The following SPESP1 variants were observed in gnomAD, a reference collection of about 807,000 sequenced individuals.
SPESP1 encodes the protein equatorial segment protein.
SPESP1 carries 1 observed loss-of-function variant against 3.1 expected under a neutral mutation model. That is an observed-to-expected ratio of 0.33 (90% CI 0.12 to 1.54). The LOEUF is 1.54. Ranked by LOEUF, SPESP1 falls within the 40% of genes most tolerant of loss-of-function variation. The probability of loss-of-function intolerance (pLI) is 0.38; values close to 1 mark genes in which losing one functional copy is unlikely to be tolerated. For missense variants in SPESP1, 398 were observed against 410.1 expected (o/e 0.97, Z 0.26); for synonymous variants, 138 against 150.7 (o/e 0.92, Z 0.62).
At chr15:68,943,925 AAAG>A (rs1038132805) in intron 1 of SPESP1, among the ~76,000 whole-genome samples, 9 of 152,196 alleles carry the variant, frequency 5.9e-5, no homozygotes, top group African/African-American at 1.9e-4. Context: ...GTAACAGAAT[AAAG>A]AAGAGAGGAG....
At chr15:68,932,397 T>C (rs1895569207) in intron 1 of SPESP1, among the ~76,000 whole-genome samples, 1 of 149,192 alleles carries the variant, frequency 6.7e-6, no homozygotes, top group Non-Finnish European at 1.5e-5. Flanking sequence ...TCCCCCCCTT[T>C]TTTTTTTGCC....
intron 1 of SPESP1, among the ~76,000 whole-genome samples, chr15:68,931,435 C>T (rs963009214): frequency 1.3e-5 from 2 of 152,046 alleles, no homozygotes; most frequent in Non-Finnish European, 2.9e-5. Flanking sequence ...GTTAGAACAA[C>T]GGGGTTAAGT....
chr15:68,943,605 C>G (rs1353212105), intron 1 of SPESP1, among the ~76,000 whole-genome samples: 2 of 152,094 alleles, frequency 1.3e-5, no homozygotes, highest in Non-Finnish European at 2.9e-5. Flanking sequence ...TGCAGAACTT[C>G]CACCTCAAGC....
chr15:68,931,230 T>G (rs1359730206), intron 1 of SPESP1, among the ~76,000 whole-genome samples: 3 of 122,830 alleles, frequency 2.4e-5, no homozygotes, highest in Non-Finnish European at 5.1e-5. Flanking sequence ...ATGCTATCCC[T>G]CCCCCCTCCC....
At position 68,945,629 on chromosome 15, in the gene SPESP1, A is replaced by T. The variant is rs1179654451; in HGVS notation, c.95A>T (p.Asn32Ile). 1 of 1,585,522 alleles carries T rather than the reference A, an allele frequency of 6.3e-7. No homozygotes were observed. The highest frequency in any genetic ancestry group is 1.4e-5 in the African/African-American group (1 of 73,336). ...ACTGTGACACCTGATGAAGAGCAAAACTTGAATCATTATATACAAGTTTTA... is the reference window on the plus strand; with the variant it reads ...ACTGTGACACCTGATGAAGAGCAAATCTTGAATCATTATATACAAGTTTTA... ...SITVTPDEEQ[N>I]LNHYIQVLEN... is the part of the protein sequence containing the mutation. Residue 32 changes from asparagine to isoleucine, a missense_variant, in exon 2 of 2, where the codon AAC becomes ATC. Transcript: ENST00000310673.
chr15:68,944,992 G>A (rs1483001697), intron 1 of SPESP1, among the ~76,000 whole-genome samples: 1 of 152,108 alleles, frequency 6.6e-6, no homozygotes, highest in Non-Finnish European at 1.5e-5. Flanking sequence ...GAGCAGGGAG[G>A]TAGAGATGCA....
chr15:68,933,074 G>A (rs1595715242), intron 1 of SPESP1, among the ~76,000 whole-genome samples: 1 of 152,240 alleles, frequency 6.6e-6, no homozygotes, highest in East Asian at 1.9e-4. Flanking sequence ...TCAAACAATT[G>A]TTGGCGAGAT....
chr15:68,937,891 T>G (rs1895723689), intron 1 of SPESP1, among the ~76,000 whole-genome samples: 1 of 152,230 alleles, frequency 6.6e-6, no homozygotes. Flanking sequence ...ATTCTCTTCC[T>G]CCTTTAATTG....
At position 68,940,980 on chromosome 15, in the gene SPESP1, G is replaced by A. The variant is rs551334350; in HGVS notation, c.65-4619G>A. On this transcript the variant is annotated intron_variant, in intron 1 of 1. Transcript: ENST00000310673. ...GAGCTATTTTTCCATATGCAATTGGGTCTATTTCTATATTTTCTGTTCTGC... is the reference window on the plus strand; with the variant it reads ...GAGCTATTTTTCCATATGCAATTGGATCTATTTCTATATTTTCTGTTCTGC... Among the ~76,000 whole-genome samples, 8 of 151,786 alleles carry A rather than the reference G, an allele frequency of 5.3e-5. No homozygotes were observed. In the South Asian group the frequency reaches 1.7e-3, roughly 32 times the overall value.
intron 1 of SPESP1, among the ~76,000 whole-genome samples, chr15:68,931,206 A>T (rs958859526): frequency 1.3e-5 from 2 of 151,312 alleles, no homozygotes; most frequent in African/African-American, 4.9e-5. Context: ...CATTTACATT[A>T]GGTATATCTC....
intron 1 of SPESP1, among the ~76,000 whole-genome samples, chr15:68,940,756 C>CTTTTT (rs575503960): frequency 8.0e-6 from 1 of 125,444 alleles, no homozygotes; most frequent in Non-Finnish European, 1.7e-5. Flanking sequence ...TCAGATTTGA[C>CTTTTT]TTTTTTTTTT....
chr15:68,945,869 A>G lies in SPESP1; in HGVS notation c.335A>G (p.Lys112Arg), dbSNP rs200130354. Residue 112 changes from lysine (K) to arginine (R), a missense_variant, in exon 2 of 2, where the codon AAG becomes AGG. By Grantham distance (26) the Lys-to-Arg change is conservative. Coordinates refer to ENST00000310673, the MANE Select transcript of SPESP1 (RefSeq NM_145658.4). ...GGAGGCTTCACACCGGAAATAGGAA[A>G]GAAAAAACACACGGAAAGTACCCCA... ...PTGGFTPEIG[K>R]KKHTESTPFW... The G allele has an allele frequency of 1.8e-4, 288 of 1,614,070 alleles. No individual in the cohort carries two copies. Among genetic ancestry groups the G allele is most frequent in the Non-Finnish European group, 2.3e-4 (273 of 1,180,050 alleles).
intron 1 of SPESP1, 55 bp downstream of exon 1, chr15:68,930,772 C>T (rs941533600): frequency 1.7e-5 from 27 of 1,611,278 alleles, no homozygotes; most frequent in Non-Finnish European, 2.1e-5. Context: ...GGGAACTTCC[C>T]GAGCTCCGCG....
At chr15:68,938,869 A>T (rs1895747611) in intron 1 of SPESP1, among the ~76,000 whole-genome samples, 1 of 152,224 alleles carries the variant, frequency 6.6e-6, no homozygotes, top group Non-Finnish European at 1.5e-5. Flanking sequence ...TTGACAAAGT[A>T]CTTCTCACAG....
At chr15:68,943,326 GC>G (rs1033896872) in intron 1 of SPESP1, among the ~76,000 whole-genome samples, 1 of 152,018 alleles carries the variant, frequency 6.6e-6, no homozygotes, top group African/African-American at 2.4e-5. Flanking sequence ...TATGTTTTAT[GC>G]TTTCTTTTTC....
At position 68,946,540 on chromosome 15, in the gene SPESP1, A is replaced by G; in HGVS notation, c.1006A>G (p.Asn336Asp). Reference sequence around the variant, plus strand: ...TGCTACAGTATTCAATACATTAAAAAATATGTGTAGATCAAGGAGAGTCAC... The same window carrying G: ...TGCTACAGTATTCAATACATTAAAAGATATGTGTAGATCAAGGAGAGTCAC... ...KAATVFNTLK[N>D]MCRSRRVTAL... The change falls in exon 2 of 2, where the codon AAT becomes GAT. Residue 336 changes from asparagine (N) to aspartate (D), a missense_variant. Transcript: ENST00000310673. 1.3e-6 allele frequency: 2 copies of G among 1,579,106 alleles called. No homozygotes were observed. The highest frequency in any genetic ancestry group is 1.7e-6 in the Non-Finnish European group (2 of 1,169,374).
At chr15:68,939,987 A>G (rs1895776768) in intron 1 of SPESP1, 1 of 152,194 alleles carries the variant, frequency 6.6e-6, no homozygotes, top group South Asian at 2.1e-4. Flanking sequence ...AGATTTACTT[A>G]TTATAGTTGC....
chr15:68,941,639 A>G (rs1271855102), intron 1 of SPESP1, among the ~76,000 whole-genome samples: 3 of 152,086 alleles, frequency 2.0e-5, no homozygotes, highest in Admixed American at 1.3e-4. Context: ...TCTATCTCTT[A>G]TAAGAACATT....
intron 1 of SPESP1, among the ~76,000 whole-genome samples, chr15:68,937,586 A>G (rs893057664): frequency 1.3e-5 from 2 of 151,420 alleles, no homozygotes; most frequent in African/African-American, 4.9e-5. Flanking sequence ...TGCTGCATCT[A>G]TTGGCCCATC....
Sources: allele counts gnomAD v4.1 joint callset (sites outside exome capture counted in the v4.1 genomes callset), GRCh38; gene constraint gnomAD v4.1.1; transcripts MANE v1.5; gene names NCBI Gene and HGNC (gene_info 2026-07-23, HGNC 2026-07-21).